ATP2B2: variants seen among roughly 807,000 people sequenced by gnomAD.
ATP2B2 encodes ATPase plasma membrane Ca2+ transporting 2, also known as plasma membrane calcium-transporting ATPase 2.
Under a neutral mutation model 120.0 loss-of-function variants are expected in ATP2B2, and 15 were observed. The observed-to-expected ratio is 0.12, with a 90% CI of 0.08 to 0.19. The LOEUF (loss-of-function observed/expected upper bound fraction) is 0.19, where lower values mean the gene tolerates loss of function less well. Ranked by LOEUF, ATP2B2 falls within the 10% of genes least tolerant of loss-of-function variation. ATP2B2 has a pLI of 1.00. For missense variants in ATP2B2, 1,045 were observed against 1,719.8 expected (o/e 0.61, Z 6.94); for synonymous variants, 694 against 700.3 (o/e 0.99, Z 0.14).
At chr3:10,352,655 G>C (rs935183253) in intron 14 of ATP2B2, among the ~76,000 whole-genome samples, 1 of 152,188 alleles carries the variant, frequency 6.6e-6, no homozygotes, top group Non-Finnish European at 1.5e-5. Context: ...CCCCTGCCTC[G>C]TGCCACAGCG....
At position 10,449,753 on chromosome 3, in the gene ATP2B2, C is replaced by G; in HGVS notation, c.-210G>C. On this transcript the variant is annotated 5_prime_UTR_variant, in exon 2 of 23. Transcript: ENST00000360273. ...CCAAGAGGTGTCCTCCGGTGTGGGA[C>G]GAGGTCCAGGGGCCGGAGGGGCTCA... The G allele has an allele frequency of 1.5e-6, 1 of 651,134 alleles. No individual in the cohort carries two copies. 40.3% of individuals were successfully genotyped at this position (651,134 alleles called of 1,614,324 possible). A position where few individuals can be genotyped will look rare whatever the true frequency, so the allele number is the denominator to read the frequency against.
At chr3:10,649,892 C>T (rs1014239988) in intron 1 of ATP2B2, among the ~76,000 whole-genome samples, 2 of 152,226 alleles carry the variant, frequency 1.3e-5, no homozygotes, top group African/African-American at 4.8e-5. Context: ...CTTTCACCTT[C>T]CACAATGTTT....
At chr3:10,604,224 T>C (rs1384622200) in intron 2 of ATP2B2, among the ~76,000 whole-genome samples, 8 of 152,206 alleles carry the variant, frequency 5.3e-5, no homozygotes, top group Non-Finnish European at 1.0e-4. Flanking sequence ...TCTCACCCCG[T>C]AGCCATGGCC....
chr3:10,550,596 C>G (rs2067647522), intron 2 of ATP2B2, among the ~76,000 whole-genome samples: 1 of 152,100 alleles, frequency 6.6e-6, no homozygotes, highest in South Asian at 2.1e-4. Flanking sequence ...TCTCAATGCT[C>G]CAATGAAAGT....
intron 1 of ATP2B2, among the ~76,000 whole-genome samples, chr3:10,654,283 C>T (rs1366239484): frequency 2.0e-5 from 3 of 152,114 alleles, no homozygotes; most frequent in Non-Finnish European, 2.9e-5. Flanking sequence ...TGTCTGTCCC[C>T]CACACTAGAC....
At chr3:10,535,708 C>T (rs2067299935) in intron 2 of ATP2B2, among the ~76,000 whole-genome samples, 1 of 152,052 alleles carries the variant, frequency 6.6e-6, no homozygotes, top group African/African-American at 2.4e-5. Flanking sequence ...GAGTTCGCTC[C>T]TTTTTATTGT....
chr3:10,699,990 CACAA>C (rs2071793354), intron 1 of ATP2B2, among the ~76,000 whole-genome samples: 1 of 152,084 alleles, frequency 6.6e-6, no homozygotes, highest in Non-Finnish European at 1.5e-5. Context: ...CTTACAATAG[CACAA>C]ACAGACTAAG....
chr3:10,675,573 C>A (rs2071220817), intron 1 of ATP2B2, among the ~76,000 whole-genome samples: 2 of 152,176 alleles, frequency 1.3e-5, no homozygotes, highest in African/African-American at 4.8e-5. Flanking sequence ...ACAAGTGGAG[C>A]AGCAACCACC....
chr3:10,501,397 G>A (rs1353637914), intron 1 of ATP2B2, among the ~76,000 whole-genome samples: 1 of 149,642 alleles, frequency 6.7e-6, no homozygotes, highest in Non-Finnish European at 1.5e-5. Flanking sequence ...TTGAGACAGG[G>A]TCTCGCTCTG....
At chr3:10,658,378 C>G (rs556909281) in intron 1 of ATP2B2, among the ~76,000 whole-genome samples, 1 of 152,120 alleles carries the variant, frequency 6.6e-6, no homozygotes, top group South Asian at 2.1e-4. Flanking sequence ...ACTAGAATAA[C>G]CAGTGTAGAG....
chr3:10,619,340 C>G (rs1559490114), intron 2 of ATP2B2, among the ~76,000 whole-genome samples: 1 of 152,166 alleles, frequency 6.6e-6, no homozygotes, highest in South Asian at 2.1e-4. Flanking sequence ...GCTCCAAGGA[C>G]CTCTGCAGGC....
chr3:10,526,114 A>G (rs921815728), intron 3 of ATP2B2, among the ~76,000 whole-genome samples: 3 of 152,230 alleles, frequency 2.0e-5, no homozygotes, highest in Non-Finnish European at 4.4e-5. Flanking sequence ...TGTGTGTAAT[A>G]TTTGTATTAT....
At chr3:10,436,248 G>A (rs1230937216) in intron 2 of ATP2B2, among the ~76,000 whole-genome samples, 1 of 152,122 alleles carries the variant, frequency 6.6e-6, no homozygotes, top group Non-Finnish European at 1.5e-5. Flanking sequence ...ATTTTAAAAG[G>A]CAACAAATAC....
Position 10,410,586 on chromosome 3 carries a change from G to A in ATP2B2, c.397+32C>T, listed in dbSNP as rs7627180. ...GCGTGGATGCGGTGGCCAGGTGTGC[G>A]GGGCGGTTCGTGGGTCTGAGGCCCA... is the stretch of plus-strand genomic sequence containing the variant. On this transcript the variant is annotated intron_variant, in intron 3 of 22. Coordinates refer to ENST00000360273, the MANE Select transcript of ATP2B2 (RefSeq NM_001001331.4). 6.4e-3 allele frequency: 10,000 copies of A among 1,573,576 alleles called. 545 individuals carry two copies. In the African/African-American group the frequency reaches 0.12, roughly 18 times the overall value.
chr3:10,334,124 G>A (rs1431154439), intron 22 of ATP2B2, among the ~76,000 whole-genome samples: 1 of 152,226 alleles, frequency 6.6e-6, no homozygotes, highest in African/African-American at 2.4e-5. Context: ...AAGATGAGGG[G>A]CTGACTCGGG....
At chr3:10,542,385 CAAGAA>C (rs1483488190) in intron 2 of ATP2B2, among the ~76,000 whole-genome samples, 1 of 152,140 alleles carries the variant, frequency 6.6e-6, no homozygotes, top group African/African-American at 2.4e-5. Flanking sequence ...TTAGAAAACT[CAAGAA>C]GAGAAGGAAA....
chr3:10,379,001 G>A (rs1234352527), intron 9 of ATP2B2, among the ~76,000 whole-genome samples: 1 of 152,228 alleles, frequency 6.6e-6, no homozygotes, highest in Non-Finnish European at 1.5e-5. Flanking sequence ...GCTGAATGGG[G>A]CGCAGAGTTC....
intron 2 of ATP2B2, among the ~76,000 whole-genome samples, chr3:10,571,117 G>A (rs13075083): frequency 0.044 from 6,689 of 152,316 alleles, 326 homozygotes; most frequent in East Asian, 0.27. Flanking sequence ...GTGGAAGTTT[G>A]GGGAGGAAGA....
intron 21 of ATP2B2, among the ~76,000 whole-genome samples, chr3:10,339,197 G>T (rs954031436): frequency 2.0e-5 from 3 of 152,232 alleles, no homozygotes; most frequent in Non-Finnish European, 2.9e-5. Flanking sequence ...CCTCCTGTAG[G>T]GGGTGGGCCC....
Sources: gnomAD v4.1 joint callset for allele counts (sites outside exome capture counted in the v4.1 genomes callset) on GRCh38, gnomAD v4.1.1 for gene constraint, MANE v1.5 for transcripts, NCBI Gene and HGNC (gene_info 2026-07-23, HGNC 2026-07-21) for gene names.